The following MRGPRF variants were observed in gnomAD, a reference collection of about 807,000 sequenced individuals.
MRGPRF encodes the protein mas-related G protein-coupled receptor member F.
MRGPRF carries 2 observed loss-of-function variants against 3.3 expected under a neutral mutation model. The observed-to-expected ratio is 0.61, with a 90% CI of 0.25 to 1.92. MRGPRF has a LOEUF of 1.92. Among genes scored for constraint, MRGPRF ranks in the 40% most tolerant of loss-of-function variants. The probability of loss-of-function intolerance (pLI) is 0.16; values close to 1 mark genes in which losing one functional copy is unlikely to be tolerated. For missense variants in MRGPRF, 500 were observed against 476.0 expected (o/e 1.05, Z -0.47); for synonymous variants, 242 against 222.7 (o/e 1.09, Z -0.77).
In MRGPRF at chr11:69,005,338, C is replaced by A; in HGVS notation, c.972G>T (p.Gly324=). The A allele has an allele frequency of 6.4e-7, 1 of 1,560,076 alleles. No individual in the cohort carries two copies. The highest frequency in any genetic ancestry group is 8.7e-7 in the Non-Finnish European group (1 of 1,154,662). ...TGGTGACTGTGTTGGGCGTGCTGCC[C>A]CCGGCCTCCCCCAGCTCAGCGCCGT... is the stretch of plus-strand genomic sequence containing the variant. ...LRDGAELGEA[G]GSTPNTVTME... Residue 324 remains glycine, a synonymous_variant, in exon 3 of 3, where the codon GGG becomes GGT. Coordinates refer to ENST00000309099, the MANE Select transcript of MRGPRF (RefSeq NM_145015.5).
chr11:69,011,816 G>A (rs1316611027), intron 1 of MRGPRF, among the ~76,000 whole-genome samples: 1 of 152,110 alleles, frequency 6.6e-6, no homozygotes, highest in Non-Finnish European at 1.5e-5. Flanking sequence ...CATTCACCCT[G>A]GCCAGGCTAG....
intron 2 of MRGPRF, 81 bp from the exon 3 acceptor site, chr11:69,006,342 AGG>A (rs57545280): frequency 0.13 from 167,531 of 1,276,508 alleles, 11,466 homozygotes; most frequent in East Asian, 0.25. Flanking sequence ...AGCGTGGGGG[AGG>A]GGGGGGGTCC....
At chr11:69,012,383 C>A (rs370334957) in intron 1 of MRGPRF, 1 of 152,318 alleles carries the variant, frequency 6.6e-6, no homozygotes, top group African/African-American at 2.4e-5. Flanking sequence ...CTGTCTCGCT[C>A]CCCCAGACAC....
At chr11:69,009,282 A>G (rs977824827) in intron 2 of MRGPRF, 1 of 306,128 alleles carries the variant, frequency 3.3e-6, no homozygotes, top group African/African-American at 2.1e-5. Flanking sequence ...CGAAGTTGAG[A>G]GCGAAGGAAA....
intron 1 of MRGPRF, chr11:69,012,595 C>A (rs1860621796): frequency 6.6e-6 from 1 of 152,386 alleles, no homozygotes; most frequent in South Asian, 2.1e-4. Context: ...ACACGGACAC[C>A]CCATGTGCAC....
chr11:69,006,202 C>CTCGA lies in MRGPRF; in HGVS notation c.104_107dup (p.Glu36AspfsTer243). 1 of 1,613,738 alleles carries CTCGA rather than the reference C, an allele frequency of 6.2e-7. No homozygotes were observed. Among genetic ancestry groups the CTCGA allele is most frequent in the South Asian group, 1.1e-5 (1 of 91,090 alleles). On this transcript the variant is annotated frameshift_variant, in exon 3 of 3. Coordinates refer to ENST00000309099, the MANE Select transcript of MRGPRF (RefSeq NM_145015.5). LOFTEE classifies it low-confidence loss of function (END_TRUNC). ...CCGGAGGCGGCAGCATCGCGATCTG[C>CTCGA]TCGATGGTCAGGAAGCCCCGGCTGT...
intron 1 of MRGPRF, chr11:69,012,326 C>CTA (rs1860615653): frequency 6.6e-6 from 1 of 152,306 alleles, no homozygotes; most frequent in Non-Finnish European, 1.5e-5. Flanking sequence ...GCCGCTGGGG[C>CTA]TGTCCCAGCC....
chr11:69,005,739 CG>C lies in MRGPRF; in HGVS notation c.570del (p.Gly191AlafsTer65), dbSNP rs1487248584. On this transcript the variant is annotated frameshift_variant, in exon 3 of 3. Transcript: ENST00000309099. LOFTEE classifies it low-confidence loss of function (END_TRUNC). Reference protein sequence around the residue: ...YFCVFLGRGAPGAACRHMDIF... With the variant: ...YFCVFLGRGAXGAACRHMDIF... ...ATGTCCATGTGCCTGCAGGCCGCGC[CG>C]GGGGCCCCGCGGCCCAGGAACACGC... The C allele has an allele frequency of 1.9e-6, 3 of 1,549,888 alleles. No individual in the cohort carries two copies. Among genetic ancestry groups the C allele is most frequent in the Non-Finnish European group, 2.6e-6 (3 of 1,146,568 alleles).
Position 69,005,068 on chromosome 11 carries a change from G to C in MRGPRF, c.*210C>G. ...CTAGGGGAGCAGAATGGGTGGGGGA[G>C]CCGGGCAGGGGCCACAGGGTCTGTT... On this transcript the variant is annotated 3_prime_UTR_variant, in exon 3 of 3. Coordinates refer to ENST00000309099, the MANE Select transcript of MRGPRF (RefSeq NM_145015.5). 1 of 611,394 alleles carries C rather than the reference G, an allele frequency of 1.6e-6. No individual in the cohort carries two copies. Among genetic ancestry groups the C allele is most frequent in the Non-Finnish European group, 2.7e-6 (1 of 371,104 alleles). 37.9% of individuals were successfully genotyped at this position (611,394 alleles called of 1,614,324 possible). A position where few individuals can be genotyped will look rare whatever the true frequency, so the allele number is the denominator to read the frequency against.
Position 69,005,428 on chromosome 11 carries a change from G to T in MRGPRF, c.882C>A (p.Ala294=). ...SSAKPIVYFL[A]GRDKSQRLWE... is the part of the protein sequence containing the mutation. ...ACAGCCGCTGCGACTTGTCCCTCCC[G>T]GCCAGGAAGTAGACGATGGGCTTGG... The change falls in exon 3 of 3, where the codon GCC becomes GCA. Residue 294 remains alanine (A), a synonymous_variant. Transcript: ENST00000309099. 1 of 1,588,334 alleles carries T rather than the reference G, an allele frequency of 6.3e-7. No individual in the cohort carries two copies. The highest frequency in any genetic ancestry group is 8.6e-7 in the Non-Finnish European group (1 of 1,167,650).
chr11:69,012,786 G>A (rs1289743701), intron 1 of MRGPRF, among the ~76,000 whole-genome samples: 1 of 152,138 alleles, frequency 6.6e-6, no homozygotes, highest in African/African-American at 2.4e-5. Context: ...CTGGGGGTGA[G>A]GCCAGCTGAG....
intron 1 of MRGPRF, among the ~76,000 whole-genome samples, chr11:69,011,890 G>A (rs1225589569): frequency 6.6e-6 from 1 of 152,202 alleles, no homozygotes; most frequent in Non-Finnish European, 1.5e-5. Flanking sequence ...CGCTGCAGGT[G>A]GGCATGCAGT....
Position 69,005,431 on chromosome 11 carries a change from C to G in MRGPRF, c.879G>C (p.Leu293=), listed in dbSNP as rs1359619121. The part of the protein sequence containing the change: ...NSSAKPIVYF[L]AGRDKSQRLW... Reference sequence around the variant, plus strand: ...GCCGCTGCGACTTGTCCCTCCCGGCCAGGAAGTAGACGATGGGCTTGGCGC... The same window carrying G: ...GCCGCTGCGACTTGTCCCTCCCGGCGAGGAAGTAGACGATGGGCTTGGCGC... Residue 293 remains leucine (L), a synonymous_variant, in exon 3 of 3, where the codon CTG becomes CTC. Coordinates refer to ENST00000309099, the MANE Select transcript of MRGPRF (RefSeq NM_145015.5). 2.5e-6 allele frequency: 4 copies of G among 1,589,486 alleles called. No individual in the cohort carries two copies. The highest frequency in any genetic ancestry group is 3.4e-6 in the Non-Finnish European group (4 of 1,168,354).
chr11:69,005,560 C>T lies in MRGPRF; in HGVS notation c.750G>A (p.Val250=). The change falls in exon 3 of 3, where the codon GTG becomes GTA. Residue 250 remains valine, a synonymous_variant. Coordinates refer to ENST00000309099, the MANE Select transcript of MRGPRF (RefSeq NM_145015.5). Reference sequence around the variant, plus strand: ...AGTCGATCCCTAAGTAGATGGAGGACACCAGGAAGACGGAGACCATGGCCA... The same window carrying T: ...AGTCGATCCCTAAGTAGATGGAGGATACCAGGAAGACGGAGACCATGGCCA... ...VILAMVSVFL[V]SSIYLGIDWF... 6.3e-7 allele frequency: 1 copy of T among 1,586,618 alleles called. No individual in the cohort carries two copies. Among genetic ancestry groups the T allele is most frequent in the Non-Finnish European group, 8.6e-7 (1 of 1,166,852 alleles).
At chr11:69,009,645 T>C (rs1411524006) in intron 2 of MRGPRF, 1 of 677,160 alleles carries the variant, frequency 1.5e-6, no homozygotes, top group Non-Finnish European at 2.7e-6. Flanking sequence ...TCCTGGTGCT[T>C]GCCTCACTGA....
chr11:69,006,351 G>A (rs1246533152), intron 2 of MRGPRF, 90 bp from the exon 3 acceptor site: 22 of 1,197,484 alleles, frequency 1.8e-5, no homozygotes, highest in Non-Finnish European at 2.5e-5. Flanking sequence ...GAGGGGGGGG[G>A]TCCCAATTAG....
intron 2 of MRGPRF, 82 bp from the exon 3 acceptor site, chr11:69,006,343 G>A (rs1590679116): frequency 1.8e-5 from 3 of 166,654 alleles, no homozygotes; most frequent in Non-Finnish European, 2.1e-5. Context: ...GCGTGGGGGA[G>A]GGGGGGGGTC....
chr11:69,006,551 C>CACCAGACAG (rs1860494630), intron 2 of MRGPRF, among the ~76,000 whole-genome samples: 1 of 151,860 alleles, frequency 6.6e-6, no homozygotes, highest in Non-Finnish European at 1.5e-5. Context: ...GGGTGCCAGG[C>CACCAGACAG]TGCCCACCGG....
intron 2 of MRGPRF, among the ~76,000 whole-genome samples, chr11:69,007,942 G>C (rs914826757): frequency 1.7e-4 from 26 of 152,146 alleles, no homozygotes; most frequent in African/African-American, 5.8e-4. Context: ...GCTGAGTATC[G>C]GTCCTGCCCT....
Sources: gnomAD v4.1 joint callset for allele counts (sites outside exome capture counted in the v4.1 genomes callset) on GRCh38, gnomAD v4.1.1 for gene constraint, MANE v1.5 for transcripts, NCBI Gene and HGNC (gene_info 2026-07-23, HGNC 2026-07-21) for gene names.